The following ADAMTS12 variants were observed in gnomAD, a reference collection of about 807,000 sequenced individuals.
ADAMTS12 encodes the protein A disintegrin and metalloproteinase with thrombospondin motifs 12.
Under a neutral mutation model 167.8 loss-of-function variants are expected in ADAMTS12, and 118 were observed. That is an observed-to-expected ratio of 0.70 (90% CI 0.61 to 0.82). The LOEUF (loss-of-function observed/expected upper bound fraction) is 0.82, where lower values mean the gene tolerates loss of function less well. Among genes scored for constraint, ADAMTS12 ranks in the 40% least tolerant of loss-of-function variants. The probability of loss-of-function intolerance (pLI) is 0.00; values close to 1 mark genes in which losing one functional copy is unlikely to be tolerated. For missense variants in ADAMTS12, 1,916 were observed against 1,998.8 expected, an observed-to-expected ratio of 0.96 and a Z score of 0.79; for synonymous variants, 704 against 716.9, an observed-to-expected ratio of 0.98 and a Z score of 0.29.
intron 16 of ADAMTS12, among the ~76,000 whole-genome samples, chr5:33,612,072 T>C (rs1289324541): frequency 6.6e-6 from 1 of 152,244 alleles, no homozygotes; most frequent in East Asian, 1.9e-4. Flanking sequence ...CATTTAGCAA[T>C]GTGTGTCCTG....
chr5:33,695,423 C>T (rs1742719682), intron 3 of ADAMTS12, among the ~76,000 whole-genome samples: 1 of 152,068 alleles, frequency 6.6e-6, no homozygotes, highest in Admixed American at 6.5e-5. Flanking sequence ...TAAATCGTGA[C>T]ATAGAGATTT....
intron 5 of ADAMTS12, among the ~76,000 whole-genome samples, chr5:33,663,763 C>A (rs1347903058): frequency 1.3e-5 from 2 of 152,196 alleles, no homozygotes; most frequent in Non-Finnish European, 2.9e-5. Context: ...GGCATGTTAT[C>A]ACATAAAGCA....
chr5:33,539,983 C>T (rs774850333), intron 22 of ADAMTS12, among the ~76,000 whole-genome samples: 5 of 152,204 alleles, frequency 3.3e-5, no homozygotes, highest in African/African-American at 9.6e-5. Context: ...CCATGGAGGG[C>T]GAGCGGAAGC....
chr5:33,616,249 C>T (rs1028966371), intron 14 of ADAMTS12, among the ~76,000 whole-genome samples, 177 bp from the exon 15 acceptor site: 1 of 152,140 alleles, frequency 6.6e-6, no homozygotes, highest in African/African-American at 2.4e-5. Flanking sequence ...AACTTGGACA[C>T]GAACAGAATT....
At chr5:33,874,519 G>C (rs1193125142) in intron 2 of ADAMTS12, among the ~76,000 whole-genome samples, 1 of 152,168 alleles carries the variant, frequency 6.6e-6, no homozygotes. Context: ...AAGACAATTT[G>C]GCTGCTTCTT....
intron 19 of ADAMTS12, among the ~76,000 whole-genome samples, chr5:33,570,877 G>A (rs1406484120): frequency 1.3e-5 from 2 of 150,868 alleles, no homozygotes; most frequent in Non-Finnish European, 2.9e-5. Context: ...ACACACATAG[G>A]CTCAAAATAA....
intron 2 of ADAMTS12, among the ~76,000 whole-genome samples, chr5:33,854,871 G>C (rs1028173002): frequency 3.9e-5 from 6 of 152,176 alleles, no homozygotes; most frequent in Non-Finnish European, 5.9e-5. Flanking sequence ...AGGTCAGAGA[G>C]AATTCCTCAT....
chr5:33,593,014 T>A (rs1233405459), intron 17 of ADAMTS12, among the ~76,000 whole-genome samples: 1 of 152,218 alleles, frequency 6.6e-6, no homozygotes, highest in African/African-American at 2.4e-5. Flanking sequence ...CATGGGCTCA[T>A]GCCTGTAATC....
At chr5:33,789,640 G>A (rs1401293932) in intron 2 of ADAMTS12, among the ~76,000 whole-genome samples, 1 of 152,186 alleles carries the variant, frequency 6.6e-6, no homozygotes, top group Non-Finnish European at 1.5e-5. Flanking sequence ...TGATGAATGT[G>A]TTAGCAACAT....
At chr5:33,722,220 C>T (rs1047910002) in intron 3 of ADAMTS12, among the ~76,000 whole-genome samples, 25 of 151,374 alleles carry the variant, frequency 1.7e-4, no homozygotes, top group Admixed American at 5.3e-4. Context: ...TATAGTCCAC[C>T]GGTAATTGTT....
chr5:33,788,973 G>A (rs1289931002), intron 2 of ADAMTS12, among the ~76,000 whole-genome samples: 1 of 152,130 alleles, frequency 6.6e-6, no homozygotes, highest in East Asian at 1.9e-4. Flanking sequence ...AGGAGTCTAA[G>A]AATCTCCCTA....
At chr5:33,572,776 G>C (rs1314559520) in intron 19 of ADAMTS12, among the ~76,000 whole-genome samples, 2 of 147,838 alleles carry the variant, frequency 1.4e-5, no homozygotes, top group Non-Finnish European at 3.0e-5. Flanking sequence ...AGGAAACAAA[G>C]GGTATTCAAT....
At chr5:33,815,196 G>A (rs148493288) in intron 2 of ADAMTS12, among the ~76,000 whole-genome samples, 1 of 152,300 alleles carries the variant, frequency 6.6e-6, no homozygotes, top group African/African-American at 2.4e-5. Flanking sequence ...CACCCTCTGG[G>A]TCTTGGAGAC....
At chr5:33,850,664 T>C (rs1749189561) in intron 2 of ADAMTS12, among the ~76,000 whole-genome samples, 1 of 152,226 alleles carries the variant, frequency 6.6e-6, no homozygotes, top group African/African-American at 2.4e-5. Context: ...CTGGATGACC[T>C]GGGCTAGGAT....
At chr5:33,751,143 T>C (rs1048692643) in intron 3 of ADAMTS12, 1 of 502,404 alleles carries the variant, frequency 2.0e-6, no homozygotes, top group African/African-American at 2.0e-5. Context: ...TCAATTAATG[T>C]GGCAAAGATG....
At chr5:33,586,379 T>G (rs1418170090) in intron 18 of ADAMTS12, among the ~76,000 whole-genome samples, 1 of 152,214 alleles carries the variant, frequency 6.6e-6, no homozygotes, top group Non-Finnish European at 1.5e-5. Context: ...AATGACATCT[T>G]CTGAATGAGG....
intron 20 of ADAMTS12, among the ~76,000 whole-genome samples, chr5:33,552,754 C>T (rs1745308967): frequency 6.6e-6 from 1 of 152,204 alleles, no homozygotes; most frequent in South Asian, 2.1e-4. Context: ...CAGTACCATG[C>T]TGTTTTGGTT....
intron 19 of ADAMTS12, among the ~76,000 whole-genome samples, chr5:33,563,131 T>G (rs1745828256): frequency 6.6e-6 from 1 of 152,176 alleles, no homozygotes; most frequent in Non-Finnish European, 1.5e-5. Flanking sequence ...TCTTTAGGAT[T>G]TGTTTCTTTT....
chr5:33,540,364 C>T (rs547746167), intron 22 of ADAMTS12, among the ~76,000 whole-genome samples: 1 of 152,398 alleles, frequency 6.6e-6, no homozygotes, highest in African/African-American at 2.4e-5. Flanking sequence ...CTGTAGACTC[C>T]ACCTCTGTGG....
Sources: gnomAD v4.1 joint callset for allele counts (sites outside exome capture counted in the v4.1 genomes callset) on GRCh38, gnomAD v4.1.1 for gene constraint, MANE v1.5 for transcripts, NCBI Gene and HGNC (gene_info 2026-07-23, HGNC 2026-07-21) for gene names.